The following GPM6A variants were observed in gnomAD, a reference collection of about 807,000 sequenced individuals.
GPM6A encodes the protein neuronal membrane glycoprotein M6-a.
GPM6A carries 7 observed loss-of-function variants against 32.1 expected under a neutral mutation model. The observed-to-expected ratio is 0.22, with a 90% confidence interval of 0.12 to 0.41. GPM6A has a LOEUF of 0.41. Among genes scored for constraint, GPM6A ranks in the 10% least tolerant of loss-of-function variants. The pLI, the probability that GPM6A is intolerant of heterozygous loss-of-function variation, is 1.00. For synonymous variants in GPM6A, 130 were observed against 123.4 expected (o/e 1.05, Z -0.35); for missense variants, 235 against 347.2 (o/e 0.68, Z 2.57).
At chr4:175,846,812 T>A (rs1043354853) in intron 1 of GPM6A, among the ~76,000 whole-genome samples, 3 of 152,116 alleles carry the variant, frequency 2.0e-5, no homozygotes, top group Non-Finnish European at 4.4e-5. Flanking sequence ...AATAAAAATA[T>A]ACAGATCTTG....
At chr4:175,812,555 T>G (rs916120862), upstream of GPM6A, 38 of 1,055,098 alleles carry the variant, frequency 3.6e-5, no homozygotes, top group Non-Finnish European at 4.2e-5. Context: ...TGGGGGGAAA[T>G]TTGGTCTGAA....
chr4:175,648,900 C>G (rs934811954), intron 4 of GPM6A, among the ~76,000 whole-genome samples: 1 of 152,120 alleles, frequency 6.6e-6, no homozygotes, highest in East Asian at 1.9e-4. Flanking sequence ...GACTAGCAAC[C>G]CTAATTCCCC....
intron 1 of GPM6A, among the ~76,000 whole-genome samples, chr4:175,800,123 G>A (rs932755386): frequency 6.6e-6 from 1 of 152,070 alleles, no homozygotes; most frequent in Admixed American, 6.6e-5. Context: ...AAAGTGGTTA[G>A]GAAGTCAATA....
intron 3 of GPM6A, among the ~76,000 whole-genome samples, chr4:175,665,781 T>TA (rs763443301): frequency 3.3e-4 from 47 of 142,150 alleles, no homozygotes; most frequent in African/African-American, 7.5e-4. Context: ...AAACTCCATT[T>TA]AAAAAAAAAA....
chr4:175,714,448 ATCGTAGCTCACTGCAG>A (rs1745725091), intron 1 of GPM6A, among the ~76,000 whole-genome samples: 1 of 152,002 alleles, frequency 6.6e-6, no homozygotes, highest in Non-Finnish European at 1.5e-5. Flanking sequence ...CAGTGGTGTG[ATCGTAGCTCACTGCAG>A]CCTTGACCTC....
chr4:175,817,649 A>C (rs1240570663), intron 1 of GPM6A, among the ~76,000 whole-genome samples: 4 of 152,204 alleles, frequency 2.6e-5, no homozygotes, highest in Non-Finnish European at 5.9e-5. Context: ...GATGGGAAAA[A>C]AGGGGGAGGC....
chr4:175,878,236 T>C (rs1016288516), intron 1 of GPM6A, among the ~76,000 whole-genome samples: 1 of 152,172 alleles, frequency 6.6e-6, no homozygotes, highest in Non-Finnish European at 1.5e-5. Context: ...GGATCTACCA[T>C]TCTGGGGTCT....
In GPM6A at chr4:175,896,243, C is replaced by T. The variant is rs895521339; in HGVS notation, c.-22-83994G>A. Reference sequence around the variant, plus strand: ...CAAGGTAGATGGTAAGATCCCACATCGTTCTGCTTTGGTGACCACAGACAC... The same window carrying T: ...CAAGGTAGATGGTAAGATCCCACATTGTTCTGCTTTGGTGACCACAGACAC... On this transcript the variant is annotated intron_variant, in intron 1 of 7. Transcript: ENST00000280187. 4.6e-5 allele frequency among the ~76,000 whole-genome samples: 7 copies of T among 152,212 alleles called. No individual in the cohort carries two copies. The East Asian group carries it at 5.8e-4, about 13-fold the overall frequency.
In GPM6A at chr4:175,887,328, G is replaced by A. The variant is rs1041354729; in HGVS notation, c.-22-75079C>T. ...TTAAAAACTTCTAAATCACGTGTGG[G>A]TTAAAGAAAAATTAATAATAAACTT... On this transcript the variant is annotated intron_variant, in intron 1 of 7. Coordinates refer to the GPM6A transcript ENST00000280187. 3.1e-4 allele frequency among the ~76,000 whole-genome samples: 47 copies of A among 151,788 alleles called. 1 individual carries two copies. Among genetic ancestry groups the A allele is most frequent in the African/African-American group, 1.0e-3 (43 of 41,370 alleles).
At position 175,921,827 on chromosome 4, in the gene GPM6A, A is replaced by G. The variant is rs527709122; in HGVS notation, c.-23+80482T>C. Among the ~76,000 whole-genome samples the G allele has an allele frequency of 7.9e-5, 12 of 152,320 alleles. No individual in the cohort carries two copies. In the South Asian group the frequency reaches 2.5e-3, roughly 32 times the overall value. On this transcript the variant is annotated intron_variant, in intron 1 of 7. Transcript: ENST00000280187. ...TGGAGTGTACCATATTTCCAAAAACAGCTAACAAAAATGGCAACACAAATT... is the reference window on the plus strand; with the variant it reads ...TGGAGTGTACCATATTTCCAAAAACGGCTAACAAAAATGGCAACACAAATT...
intron 1 of GPM6A, among the ~76,000 whole-genome samples, chr4:175,750,755 G>A (rs764894099): frequency 6.6e-6 from 1 of 151,910 alleles, no homozygotes; most frequent in Non-Finnish European, 1.5e-5. Context: ...TGTATTTTTA[G>A]TAAAGATATA....
chr4:175,707,992 C>T (rs2111081680), intron 1 of GPM6A, among the ~76,000 whole-genome samples: 1 of 152,212 alleles, frequency 6.6e-6, no homozygotes, highest in South Asian at 2.1e-4. Flanking sequence ...AAATACATCA[C>T]TAAATTTGTC....
intron 1 of GPM6A, among the ~76,000 whole-genome samples, chr4:175,961,820 G>A (rs1740174390): frequency 6.6e-6 from 1 of 152,136 alleles, no homozygotes; most frequent in Non-Finnish European, 1.5e-5. Context: ...GAAGGGAAAG[G>A]CTCAATTTCA....
intron 1 of GPM6A, among the ~76,000 whole-genome samples, chr4:175,710,868 C>T (rs913881586): frequency 1.4e-4 from 21 of 152,110 alleles, no homozygotes; most frequent in African/African-American, 5.1e-4. Flanking sequence ...GACCCTTATG[C>T]TGTGTGTTCC....
At chr4:175,758,117 T>A (rs921008274) in intron 1 of GPM6A, among the ~76,000 whole-genome samples, 1 of 152,118 alleles carries the variant, frequency 6.6e-6, no homozygotes, top group African/African-American at 2.4e-5. Flanking sequence ...TGATCCAAAG[T>A]AACCCATTGA....
chr4:175,865,370 T>C (rs571349307), intron 1 of GPM6A, among the ~76,000 whole-genome samples: 2 of 152,344 alleles, frequency 1.3e-5, no homozygotes, highest in Admixed American at 1.3e-4. Flanking sequence ...GTAAATTACC[T>C]AATTATGCTC....
At chr4:175,916,710 A>T (rs1377449230) in intron 1 of GPM6A, among the ~76,000 whole-genome samples, 1 of 152,132 alleles carries the variant, frequency 6.6e-6, no homozygotes, top group African/African-American at 2.4e-5. Flanking sequence ...CTAATTATAG[A>T]ATCAGATGCA....
chr4:175,645,367 A>C (rs1741395507), intron 4 of GPM6A, among the ~76,000 whole-genome samples: 1 of 152,196 alleles, frequency 6.6e-6, no homozygotes, highest in South Asian at 2.1e-4. Context: ...TAAGGCAATA[A>C]AAACCTTTGG....
intron 1 of GPM6A, among the ~76,000 whole-genome samples, chr4:175,715,156 CAT>C (rs1405503705): frequency 6.6e-6 from 1 of 152,202 alleles, no homozygotes; most frequent in East Asian, 1.9e-4. Context: ...TAAATGTCCA[CAT>C]GATTTGCTCT....
Sources: allele counts gnomAD v4.1 joint callset (sites outside exome capture counted in the v4.1 genomes callset), GRCh38; gene constraint gnomAD v4.1.1; transcripts MANE v1.5; gene names NCBI Gene and HGNC (gene_info 2026-07-23, HGNC 2026-07-21).